The following MARCHF1 variants were observed in gnomAD, a reference collection of about 807,000 sequenced individuals.
The protein encoded by MARCHF1 is membrane associated ring-CH-type finger 1.
Under a neutral mutation model 54.2 loss-of-function variants are expected in MARCHF1, and 40 were observed. The observed-to-expected ratio is 0.74, with a 90% CI of 0.57 to 0.96. MARCHF1 has a LOEUF of 0.96. MARCHF1 is among the 40% of genes least tolerant of loss of function. The probability of loss-of-function intolerance (pLI) is 0.00; values close to 1 mark genes in which losing one functional copy is unlikely to be tolerated. For missense variants in MARCHF1, 586 were observed against 656.5 expected, an observed-to-expected ratio of 0.89 and a Z score of 1.17; for synonymous variants, 236 against 236.3, an observed-to-expected ratio of 1.00 and a Z score of 0.01.
chr4:163,620,748 A>G (rs1579120296), intron 5 of MARCHF1, among the ~76,000 whole-genome samples: 1 of 152,036 alleles, frequency 6.6e-6, no homozygotes, highest in South Asian at 2.1e-4. Flanking sequence ...ATAGTGCTTT[A>G]TTGCTATCTG....
intron 1 of MARCHF1, among the ~76,000 whole-genome samples, chr4:164,305,060 C>CT (rs1439666123): frequency 6.6e-6 from 1 of 152,234 alleles, no homozygotes; most frequent in East Asian, 1.9e-4. Context: ...TTTGGCCATA[C>CT]TGGACCCACT....
At chr4:163,681,932 A>G (rs978267327) in intron 5 of MARCHF1, among the ~76,000 whole-genome samples, 3 of 152,200 alleles carry the variant, frequency 2.0e-5, no homozygotes, top group African/African-American at 7.2e-5. Flanking sequence ...AGACAGGAAA[A>G]TGTGGGAAAG....
chr4:163,815,599 C>A (rs2111028597), intron 4 of MARCHF1, among the ~76,000 whole-genome samples: 1 of 152,190 alleles, frequency 6.6e-6, no homozygotes, highest in East Asian at 1.9e-4. Flanking sequence ...GTCCCCAAAC[C>A]CAATTTATTT....
At chr4:164,300,054 CA>C (rs1272695787) in intron 1 of MARCHF1, among the ~76,000 whole-genome samples, 1 of 152,068 alleles carries the variant, frequency 6.6e-6, no homozygotes, top group African/African-American at 2.4e-5. Flanking sequence ...CTGTAAATAA[CA>C]GTAACCAAAG....
chr4:164,019,687 C>G (rs550571048), intron 2 of MARCHF1, among the ~76,000 whole-genome samples: 147 of 152,178 alleles, frequency 9.7e-4, no homozygotes, highest in Non-Finnish European at 1.9e-3. Context: ...CTGCTTCTGA[C>G]AATTCTGGAG....
chr4:163,969,876 AAC>A (rs1440487610), intron 3 of MARCHF1, among the ~76,000 whole-genome samples: 5 of 152,202 alleles, frequency 3.3e-5, no homozygotes, highest in South Asian at 2.1e-4. Context: ...AATGGCAGCA[AAC>A]ACAGTCTCAA....
chr4:163,624,472 TTC>T (rs1223409905), intron 5 of MARCHF1, among the ~76,000 whole-genome samples: 2 of 152,170 alleles, frequency 1.3e-5, no homozygotes, highest in African/African-American at 2.4e-5. Flanking sequence ...TCACTGCCTT[TTC>T]TCTCTCACTC....
chr4:164,239,035 T>C (rs887450549), intron 1 of MARCHF1, among the ~76,000 whole-genome samples: 1 of 152,048 alleles, frequency 6.6e-6, no homozygotes, highest in Non-Finnish European at 1.5e-5. Flanking sequence ...TGGATCACCA[T>C]TGTTTTTCAG....
intron 3 of MARCHF1, among the ~76,000 whole-genome samples, chr4:163,974,323 C>A (rs1311025624): frequency 6.6e-6 from 1 of 152,126 alleles, no homozygotes; most frequent in African/African-American, 2.4e-5. Flanking sequence ...GCTAAGCTTC[C>A]ATTAAGAAAT....
intron 1 of MARCHF1, among the ~76,000 whole-genome samples, chr4:164,125,589 CAA>C (rs1264719759): frequency 6.6e-6 from 1 of 152,140 alleles, no homozygotes. Context: ...CTGCCTGGTA[CAA>C]AGTGTTCAAC....
chr4:164,160,952 A>T (rs1730216831), intron 1 of MARCHF1, among the ~76,000 whole-genome samples: 1 of 152,182 alleles, frequency 6.6e-6, no homozygotes, highest in Non-Finnish European at 1.5e-5. Context: ...AAAAAAAATG[A>T]CAAAAATCTA....
At chr4:163,852,370 G>A (rs1749665107) in intron 4 of MARCHF1, among the ~76,000 whole-genome samples, 1 of 152,124 alleles carries the variant, frequency 6.6e-6, no homozygotes, top group South Asian at 2.1e-4. Context: ...CATGAGATAG[G>A]AGTTAAGCAC....
At chr4:163,727,370 T>A (rs1272772774) in intron 4 of MARCHF1, among the ~76,000 whole-genome samples, 2 of 151,554 alleles carry the variant, frequency 1.3e-5, no homozygotes, top group African/African-American at 4.8e-5. Context: ...TGCAGTGGCA[T>A]GATTTCAGCT....
chr4:164,318,318 A>T (rs1735050913), intron 1 of MARCHF1, among the ~76,000 whole-genome samples: 5 of 152,084 alleles, frequency 3.3e-5, no homozygotes, highest in African/African-American at 1.2e-4. Context: ...GTGCAAGGCA[A>T]TGTTTGATGT....
chr4:164,347,874 G>A (rs1401985709), intron 1 of MARCHF1, among the ~76,000 whole-genome samples: 1 of 152,088 alleles, frequency 6.6e-6, no homozygotes, highest in East Asian at 1.9e-4. Context: ...AAATGTTTAT[G>A]TTCATGGTGT....
intron 7 of MARCHF1, among the ~76,000 whole-genome samples, chr4:163,600,292 G>C (rs1265396207): frequency 3.9e-5 from 6 of 152,022 alleles, no homozygotes; most frequent in Non-Finnish European, 8.8e-5. Context: ...AAAAATCAGT[G>C]GTTCTCAGCT....
intron 3 of MARCHF1, among the ~76,000 whole-genome samples, chr4:163,900,176 T>C (rs1251272387): frequency 6.6e-6 from 1 of 152,118 alleles, no homozygotes. Context: ...GAAGTTTTGT[T>C]CCCTGAAAAA....
Position 163,612,295 on chromosome 4 carries a change from C to A in MARCHF1, c.986G>T (p.Gly329Val). The stretch of plus-strand genomic sequence containing the variant: ...CCTGCATACTTCTAAATTATCAGAC[C>A]CATCGTCATAGGTGGCAGGAGGCTT... ...VQKPPATYDD[G>V]SDNLEVCRIC... is the part of the protein sequence containing the mutation. The change falls in exon 7 of 10, where the codon GGG becomes GTG. Residue 329 changes from glycine to valine, a missense_variant. Physicochemically the swap from Gly to Val is moderately radical, Grantham distance 109. This residue lies in a region of MARCHF1 where 387 missense variants were observed against 394.6 expected (regional missense o/e 0.98). Transcript: ENST00000514618. 1 of 1,515,930 alleles carries A rather than the reference C, an allele frequency of 6.6e-7. No individual in the cohort carries two copies. The highest frequency in any genetic ancestry group is 8.8e-7 in the Non-Finnish European group (1 of 1,139,958). The allele number at this position is 1,515,930 out of a possible 1,614,324, so 93.9% of individuals were successfully genotyped here.
Position 164,232,631 on chromosome 4 carries a change from C to G in MARCHF1, c.-322-120969G>C, listed in dbSNP as rs999584786. 2.0e-5 allele frequency among the ~76,000 whole-genome samples: 3 copies of G among 152,174 alleles called. No homozygotes were observed. In the South Asian group the frequency reaches 6.2e-4, roughly 32 times the overall value. On this transcript the variant is annotated intron_variant, in intron 1 of 9. Coordinates refer to ENST00000514618, the MANE Select transcript of MARCHF1 (RefSeq NM_001394959.1). ...ATAATGTATTTCACATGTGGTTATT[C>G]CTTTTAATCATAAATAATTGCTTAA...
Sources: gnomAD v4.1 joint callset for allele counts (sites outside exome capture counted in the v4.1 genomes callset) on GRCh38, gnomAD v4.1.1 for gene constraint, gnomAD v4.1.1 regional missense constraint, MANE v1.5 for transcripts, NCBI Gene and HGNC (gene_info 2026-07-23, HGNC 2026-07-21) for gene names.